HOXC4: variants seen among roughly 807,000 people sequenced by gnomAD.
The protein encoded by HOXC4 is homeobox protein Hox-C4.
HOXC4 carries 15 observed loss-of-function variants against 25.5 expected under a neutral mutation model. That is an observed-to-expected ratio of 0.59 (90% CI 0.39 to 0.91). The LOEUF is 0.91. Among genes scored for constraint, HOXC4 ranks in the 40% least tolerant of loss-of-function variants. The pLI, the probability that HOXC4 is intolerant of heterozygous loss-of-function variation, is 0.00. For missense variants in HOXC4, 342 were observed against 352.4 expected (o/e 0.97, Z 0.24); for synonymous variants, 165 against 148.0 (o/e 1.11, Z -0.83).
At chr12:54,032,252 T>C (rs1267622423) in intron 1 of HOXC4, among the ~76,000 whole-genome samples, 1 of 152,110 alleles carries the variant, frequency 6.6e-6, no homozygotes, top group African/African-American at 2.4e-5. Context: ...TCCAGATCCA[T>C]CCCAAACAGC....
At chr12:54,023,556 T>C (rs1195112405) in intron 1 of HOXC4, among the ~76,000 whole-genome samples, 2 of 152,134 alleles carry the variant, frequency 1.3e-5, no homozygotes, top group Non-Finnish European at 2.9e-5. Flanking sequence ...GCGCAGGCCT[T>C]GGAGGTGTTT....
chr12:54,034,015 G>T (rs759124434), intron 1 of HOXC4: 2 of 671,342 alleles, frequency 3.0e-6, no homozygotes, highest in East Asian at 3.0e-5. Context: ...TTCGGTCCGA[G>T]CCTGGGTCTC....
Position 54,054,897 on chromosome 12 carries a change from T to A in HOXC4, c.487T>A (p.Tyr163Asn). The change falls in exon 2 of 2, where the codon TAT becomes AAT. Residue 163 changes from tyrosine (Y) to asparagine (N), a missense_variant. Coordinates refer to ENST00000430889, the MANE Select transcript of HOXC4 (RefSeq NM_153633.3). ...GGAACCCAAGCGCTCGAGGACAGCC[T>A]ATACCCGGCAGCAAGTCCTGGAATT... ...GGEPKRSRTA[Y>N]TRQQVLELEK... 1 of 1,613,978 alleles carries A rather than the reference T, an allele frequency of 6.2e-7. No individual in the cohort carries two copies. Among genetic ancestry groups the A allele is most frequent in the African/African-American group, 1.3e-5 (1 of 74,972 alleles).
Position 54,054,253 on chromosome 12 carries a change from TC to T in HOXC4, c.335del (p.Pro112GlnfsTer23). On this transcript the variant is annotated frameshift_variant, in exon 1 of 2. Coordinates refer to ENST00000430889, the MANE Select transcript of HOXC4 (RefSeq NM_153633.3). LOFTEE classifies it high-confidence loss of function. ...APLSGASASPSPAPPACSQPA... is the reference protein window; with the variant it reads ...APLSGASASPXPAPPACSQPA... ...TCTCTCAGGCGCCTCCGCCTCCCCG[TC>T]CCCAGCCCCGCCAGCCTGCAGCCAG... 2 of 1,602,540 alleles carry T rather than the reference TC, an allele frequency of 1.2e-6. No homozygotes were observed. The highest frequency in any genetic ancestry group is 1.1e-5 in the South Asian group (1 of 90,462).
At chr12:54,032,286 C>G (rs921384714) in intron 1 of HOXC4, among the ~76,000 whole-genome samples, 2 of 152,212 alleles carry the variant, frequency 1.3e-5, no homozygotes, top group South Asian at 2.1e-4. Flanking sequence ...AGCTTCATGA[C>G]CCCCCTATCT....
chr12:54,019,653 G>A (rs923180959), intron 1 of HOXC4, among the ~76,000 whole-genome samples: 3 of 152,010 alleles, frequency 2.0e-5, no homozygotes, highest in Non-Finnish European at 2.9e-5. Context: ...GATTCACCTA[G>A]AATATTAGAA....
chr12:54,032,413 A>G (rs1941019694), intron 1 of HOXC4, among the ~76,000 whole-genome samples: 1 of 152,248 alleles, frequency 6.6e-6, no homozygotes. Flanking sequence ...TTAGGGCCTG[A>G]GAGGCAAGGG....
At chr12:54,037,862 A>G (rs930098364) in intron 1 of HOXC4, 5 of 152,162 alleles carry the variant, frequency 3.3e-5, no homozygotes, top group African/African-American at 1.2e-4. Flanking sequence ...CCCACAATAT[A>G]TTTACATCAT....
chr12:54,028,788 A>G lies in HOXC4; in HGVS notation c.-124+11374A>G, dbSNP rs755990418. On this transcript the variant is annotated intron_variant, in intron 1 of 3. Coordinates refer to the HOXC4 transcript ENST00000303406. Reference sequence around the variant, plus strand: ...AAGACATGCTCTCAAACTGCAGACAAAACACCTTAGGACATAACACACAGA... The same window carrying G: ...AAGACATGCTCTCAAACTGCAGACAGAACACCTTAGGACATAACACACAGA... 12 of 1,614,040 alleles carry G rather than the reference A, an allele frequency of 7.4e-6. No individual in the cohort carries two copies. The Admixed American group carries it at 1.3e-4, about 18-fold the overall frequency.
intron 1 of HOXC4, among the ~76,000 whole-genome samples, chr12:54,025,242 G>A (rs1283056408): frequency 6.6e-6 from 1 of 152,136 alleles, no homozygotes; most frequent in Non-Finnish European, 1.5e-5. Flanking sequence ...TGCTTCTGCT[G>A]ATGAGTTTCC....
intron 1 of HOXC4, chr12:54,028,402 CTT>C (rs1389741855): frequency 1.7e-6 from 2 of 1,163,800 alleles, no homozygotes; most frequent in East Asian, 4.9e-5. Flanking sequence ...GGTCAGCTGA[CTT>C]TGTCATTTTG....
In HOXC4 at chr12:54,054,886, C is replaced by T; in HGVS notation, c.476C>T (p.Ser159Leu). The T allele has an allele frequency of 6.2e-7, 1 of 1,612,360 alleles. No individual in the cohort carries two copies. Among genetic ancestry groups the T allele is most frequent in the East Asian group, 2.2e-5 (1 of 44,810 alleles). Residue 159 changes from serine (S) to leucine (L), a missense_variant, in exon 2 of 2, where the codon TCG (serine) becomes TTG (leucine). Transcript: ENST00000430889. ...TATAACGGAGGGGAACCCAAGCGCTCGAGGACAGCCTATACCCGGCAGCAA... is the reference window on the plus strand; with the variant it reads ...TATAACGGAGGGGAACCCAAGCGCTTGAGGACAGCCTATACCCGGCAGCAA... ...PNYNGGEPKR[S>L]RTAYTRQQVL...
At chr12:54,036,312 C>G (rs935048168) in intron 1 of HOXC4, among the ~76,000 whole-genome samples, 1 of 152,140 alleles carries the variant, frequency 6.6e-6, no homozygotes, top group South Asian at 2.1e-4. Context: ...CTAGGCCCCC[C>G]ACACTGGTGG....
chr12:54,044,999 A>G (rs1450432671), intron 1 of HOXC4, among the ~76,000 whole-genome samples: 1 of 152,186 alleles, frequency 6.6e-6, no homozygotes, highest in Middle Eastern at 3.2e-3. Flanking sequence ...ATTCATTGCC[A>G]GCAAAATGCC....
At chr12:54,034,246 C>T (rs769479523) in intron 1 of HOXC4, 2 of 1,590,644 alleles carry the variant, frequency 1.3e-6, no homozygotes, top group Non-Finnish European at 1.7e-6. Flanking sequence ...CTATTCACCC[C>T]TTCCTGGCTT....
Position 54,034,564 on chromosome 12 carries a change from CCT to C in HOXC4, c.-124+17155_-124+17156del, listed in dbSNP as rs1941130264. The C allele has an allele frequency of 2.3e-6, 3 of 1,306,520 alleles. No homozygotes were observed. In the African/African-American group the frequency reaches 4.4e-5, roughly 19 times the overall value. The allele number at this position is 1,306,520 out of a possible 1,614,324, so 80.9% of individuals were successfully genotyped here. On this transcript the variant is annotated intron_variant, in intron 1 of 3. Transcript: ENST00000303406. ...CCCTGCGCCTTTCCTTTTCGCCTTTCCTCTCTATATTTCGGGTCGGGGGCAGG... is the reference window on the plus strand; with the variant it reads ...CCCTGCGCCTTTCCTTTTCGCCTTTCCTCTATATTTCGGGTCGGGGGCAGG...
At chr12:54,052,525 G>T (rs2085606671), upstream of HOXC4, among the ~76,000 whole-genome samples, 1 of 151,434 alleles carries the variant, frequency 6.6e-6, no homozygotes, top group Non-Finnish European at 1.5e-5. Flanking sequence ...AGTTATGGGC[G>T]ATCAGTTAAT....
At position 54,046,835 on chromosome 12, in the gene HOXC4, C is replaced by G. The variant is rs921815838; in HGVS notation, c.-123-6325C>G. On this transcript the variant is annotated intron_variant, in intron 1 of 3. Coordinates refer to the HOXC4 transcript ENST00000303406. ...TCCCTTCCTTCGCCTCACCTTCAATCCCTTGGGTGGAGGGGCTGAACAGCG... is the reference window on the plus strand; with the variant it reads ...TCCCTTCCTTCGCCTCACCTTCAATGCCTTGGGTGGAGGGGCTGAACAGCG... Among the ~76,000 whole-genome samples, 55 of 152,280 alleles carry G rather than the reference C, an allele frequency of 3.6e-4. 2 individuals are homozygous for G. Among genetic ancestry groups the G allele is most frequent in the Non-Finnish European group, 8.8e-5 (6 of 68,022 alleles).
chr12:54,049,829 GT>G (rs1186870351), upstream of HOXC4, among the ~76,000 whole-genome samples: 2 of 149,280 alleles, frequency 1.3e-5, no homozygotes, highest in African/African-American at 2.5e-5. Context: ...CCTTGATTTA[GT>G]TTTGGGTTTT....
Sources: allele counts gnomAD v4.1 joint callset (sites outside exome capture counted in the v4.1 genomes callset), GRCh38; gene constraint gnomAD v4.1.1; transcripts MANE v1.5; gene names NCBI Gene and HGNC (gene_info 2026-07-23, HGNC 2026-07-21).